SKA2: variants seen among roughly 807,000 people sequenced by gnomAD.
SKA2 encodes spindle and kinetochore-associated protein 2.
SKA2 carries 13 observed loss-of-function variants against 16.9 expected under a neutral mutation model. The ratio of observed to expected loss-of-function variants is 0.77; its 90% CI spans 0.50 to 1.22. The LOEUF is 1.22. Among genes scored for constraint, SKA2 ranks in the 50% most tolerant of loss-of-function variants. The pLI is 0.00. For synonymous variants in SKA2, 47 were observed against 48.5 expected, an observed-to-expected ratio of 0.97 and a Z score of 0.13; for missense variants, 107 against 139.7, an observed-to-expected ratio of 0.77 and a Z score of 1.18.
intron 1 of SKA2, among the ~76,000 whole-genome samples, chr17:59,152,850 A>C (rs2046587675): frequency 6.6e-6 from 1 of 151,764 alleles, no homozygotes; most frequent in Admixed American, 6.6e-5. Context: ...CAAACTAATA[A>C]CCTGAAAGGA....
At chr17:59,140,520 C>T (rs533144757) in intron 1 of SKA2, among the ~76,000 whole-genome samples, 28 of 152,066 alleles carry the variant, frequency 1.8e-4, no homozygotes, top group Middle Eastern at 3.4e-3. Context: ...TGAGCCACTG[C>T]GCCCGGCCCA....
Position 59,111,081 on chromosome 17 carries a change from T to C in SKA2, c.*1196A>G, listed in dbSNP as rs2046261141. 6.6e-6 allele frequency: 1 copy of C among 152,198 alleles called. No individual in the cohort carries two copies. The highest frequency in any genetic ancestry group is 6.6e-5 in the Admixed American group (1 of 15,264). 9.4% of individuals were successfully genotyped at this position (152,198 alleles called of 1,614,324 possible). ...AATACTGAACCCTGTATTAAAACAC[T>C]TTCCTGTCTTGTCCTTCCAAACATC... On this transcript the variant is annotated 3_prime_UTR_variant, in exon 4 of 4. Transcript: ENST00000330137.
At chr17:59,117,604 T>C (rs1052224386) in intron 3 of SKA2, among the ~76,000 whole-genome samples, 1 of 151,686 alleles carries the variant, frequency 6.6e-6, no homozygotes, top group Non-Finnish European at 1.5e-5. Context: ...TTTTTTTTTT[T>C]GGTAGAGATA....
intron 2 of SKA2, among the ~76,000 whole-genome samples, chr17:59,122,623 C>G (rs892835963): frequency 1.3e-5 from 2 of 150,922 alleles, no homozygotes; most frequent in African/African-American, 2.4e-5. Flanking sequence ...AAAATAATAA[C>G]TATTATTATT....
At chr17:59,120,383 C>A (rs1032261289) in intron 2 of SKA2, among the ~76,000 whole-genome samples, 1 of 151,854 alleles carries the variant, frequency 6.6e-6, no homozygotes, top group Admixed American at 6.6e-5. Flanking sequence ...TTCAATTGGA[C>A]CCCTTCTGCC....
At chr17:59,154,527 C>A (rs1267661587) in intron 1 of SKA2, among the ~76,000 whole-genome samples, 3 of 152,224 alleles carry the variant, frequency 2.0e-5, no homozygotes, top group Admixed American at 6.5e-5. Context: ...CTCGTGGTTA[C>A]GATCCCCTTC....
intron 1 of SKA2, among the ~76,000 whole-genome samples, chr17:59,147,377 GACAC>G (rs57098353): frequency 6.4e-4 from 89 of 138,184 alleles, no homozygotes; most frequent in East Asian, 1.9e-3. Context: ...TTATATATAA[GACAC>G]ACACACACAC....
At position 59,130,246 on chromosome 17, in the gene SKA2, T is replaced by A. The variant is rs968256967; in HGVS notation, c.120+1035A>T. ...TACTTCTACCCAATCCAAAAAAAAA[T>A]TTTTTTAATTGTATGGAATTTTTTT... On this transcript the variant is annotated intron_variant, in intron 2 of 3. Transcript: ENST00000330137. Among the ~76,000 whole-genome samples the A allele has an allele frequency of 9.2e-5, 14 of 151,892 alleles. No individual in the cohort carries two copies. The South Asian group carries it at 1.9e-3, about 20-fold the overall frequency.
At chr17:59,126,164 C>G (rs912002672) in intron 2 of SKA2, among the ~76,000 whole-genome samples, 3 of 150,516 alleles carry the variant, frequency 2.0e-5, no homozygotes, top group Non-Finnish European at 4.4e-5. Context: ...GAGCGAGACT[C>G]CGTCTCAAAA....
chr17:59,131,710 T>C (rs976704101), intron 1 of SKA2, among the ~76,000 whole-genome samples: 13 of 152,138 alleles, frequency 8.5e-5, no homozygotes, highest in Admixed American at 7.9e-4. Flanking sequence ...CTCTCATCAG[T>C]TAGGCAGTGT....
chr17:59,112,194 A>G lies in SKA2; in HGVS notation c.*83T>C. The G allele has an allele frequency of 8.8e-7, 1 of 1,131,778 alleles. No individual in the cohort carries two copies. The highest frequency in any genetic ancestry group is 1.3e-6 in the Non-Finnish European group (1 of 761,254). The allele number at this position is 1,131,778 out of a possible 1,614,324, so 70.1% of individuals were successfully genotyped here. ...CTTCACCAGCCCCCAATCTCTAGAC[A>G]TCAAGGGTTAACAAGACATCTTCCT... On this transcript the variant is annotated 3_prime_UTR_variant, in exon 4 of 4. Transcript: ENST00000330137.
At chr17:59,129,692 A>G (rs1450035316) in intron 2 of SKA2, among the ~76,000 whole-genome samples, 1 of 151,628 alleles carries the variant, frequency 6.6e-6, no homozygotes, top group South Asian at 2.1e-4. Context: ...CATCTCTACT[A>G]AAAAATACAA....
chr17:59,130,457 CAAAAAAAAAAAAA>C (rs569934567), intron 2 of SKA2, among the ~76,000 whole-genome samples: 1 of 70,394 alleles, frequency 1.4e-5, no homozygotes, highest in Non-Finnish European at 3.1e-5. Context: ...ACTAAAAATA[CAAAAAAAAAAAAA>C]AAAAAAAAAA....
intron 1 of SKA2, chr17:59,151,279 C>A (rs2046575625): frequency 4.4e-6 from 2 of 451,614 alleles, no homozygotes; most frequent in African/African-American, 2.1e-5. Flanking sequence ...CAGTGAGAAA[C>A]GAATTTAAAG....
Position 59,129,919 on chromosome 17 carries a change from G to A in SKA2, c.120+1362C>T, listed in dbSNP as rs189119359. ...AGGAAAAGAGGGAGGGAGGGAGGGAGGGAAGGAAGGAAGGAAGGAGAGAAA... is the reference window on the plus strand; with the variant it reads ...AGGAAAAGAGGGAGGGAGGGAGGGAAGGAAGGAAGGAAGGAAGGAGAGAAA... On this transcript the variant is annotated intron_variant, in intron 2 of 3. Transcript: ENST00000330137. 9.7e-3 allele frequency among the ~76,000 whole-genome samples: 1,305 copies of A among 133,936 alleles called. 30 individuals carry two copies. The highest frequency in any genetic ancestry group is 0.033 in the African/African-American group (1,102 of 33,400). 87.9% of individuals were successfully genotyped at this position (133,936 alleles called of 152,430 possible). A position where few individuals can be genotyped will look rare whatever the true frequency, so the allele number is the denominator to read the frequency against.
chr17:59,140,591 G>A (rs1674687028), intron 1 of SKA2, among the ~76,000 whole-genome samples: 1 of 151,440 alleles, frequency 6.6e-6, no homozygotes, highest in African/African-American at 2.4e-5. Flanking sequence ...CCTCTAAAAG[G>A]CTAGTTTTAT....
intron 2 of SKA2, among the ~76,000 whole-genome samples, chr17:59,128,250 A>G (rs2046385137): frequency 6.6e-6 from 1 of 152,026 alleles, no homozygotes; most frequent in African/African-American, 2.4e-5. Flanking sequence ...AAGATGGAGT[A>G]TAGCCATACA....
At position 59,114,309 on chromosome 17, in the gene SKA2, A is replaced by G. The variant is rs139243268; in HGVS notation, c.298-1964T>C. The stretch of plus-strand genomic sequence containing the variant: ...AGTCAGTATAGTCATGTGTCACTTA[A>G]TGACAGGAATACGTTCTGAGAAATG... On this transcript the variant is annotated intron_variant, in intron 3 of 3. Transcript: ENST00000330137. Among the ~76,000 whole-genome samples, 512 of 152,316 alleles carry G rather than the reference A, an allele frequency of 3.4e-3. 6 individuals carry two copies. The highest frequency in any genetic ancestry group is 0.012 in the African/African-American group (503 of 41,574).
intron 1 of SKA2, among the ~76,000 whole-genome samples, chr17:59,132,332 G>A (rs1187927871): frequency 1.3e-5 from 2 of 150,656 alleles, no homozygotes; most frequent in Non-Finnish European, 2.9e-5. Flanking sequence ...CTCCAGCCTG[G>A]GCGACAAGAA....
Sources: gnomAD v4.1 joint callset for allele counts (sites outside exome capture counted in the v4.1 genomes callset) on GRCh38, gnomAD v4.1.1 for gene constraint, MANE v1.5 for transcripts, NCBI Gene and HGNC (gene_info 2026-07-23, HGNC 2026-07-21) for gene names.